DPP10: variants seen among roughly 807,000 people sequenced by gnomAD.
The protein encoded by DPP10 is dipeptidyl peptidase like 10.
DPP10 carries 33 observed loss-of-function variants against 120.9 expected under a neutral mutation model. The observed-to-expected ratio is 0.27, with a 90% CI of 0.21 to 0.37. DPP10 has a LOEUF of 0.37. Among genes scored for constraint, DPP10 ranks in the 10% least tolerant of loss-of-function variants. The pLI is 1.00. For synonymous variants in DPP10, 337 were observed against 326.1 expected (o/e 1.03, Z -0.36); for missense variants, 816 against 942.8 (o/e 0.87, Z 1.76).
At chr2:115,419,013 A>G (rs1024839996) in intron 3 of DPP10, among the ~76,000 whole-genome samples, 1 of 152,084 alleles carries the variant, frequency 6.6e-6, no homozygotes, top group Non-Finnish European at 1.5e-5. Context: ...TATGAAGGGT[A>G]ATTTGTTTTT....
At chr2:115,349,850 C>G (rs1172906009) in intron 3 of DPP10, among the ~76,000 whole-genome samples, 2 of 152,036 alleles carry the variant, frequency 1.3e-5, no homozygotes, top group Non-Finnish European at 2.9e-5. Context: ...TCTCAGTGCA[C>G]AGGGAGCTAC....
At chr2:114,889,308 A>T (rs965645209) in intron 1 of DPP10, among the ~76,000 whole-genome samples, 1 of 152,148 alleles carries the variant, frequency 6.6e-6, no homozygotes, top group Non-Finnish European at 1.5e-5. Flanking sequence ...CTCTTTTATT[A>T]TCTTATTCCA....
At chr2:115,816,114 A>C (rs1400688416) in intron 21 of DPP10, among the ~76,000 whole-genome samples, 1 of 152,170 alleles carries the variant, frequency 6.6e-6, no homozygotes, top group Non-Finnish European at 1.5e-5. Flanking sequence ...ACCTGGTGTC[A>C]GAAGTAGAAC....
intron 1 of DPP10, among the ~76,000 whole-genome samples, chr2:114,680,800 T>C (rs1267862111): frequency 1.3e-5 from 2 of 151,944 alleles, no homozygotes; most frequent in African/African-American, 4.8e-5. Context: ...ACAACTGAAC[T>C]AAAATGATGA....
chr2:115,409,800 T>C (rs1205747035), intron 3 of DPP10, among the ~76,000 whole-genome samples: 1 of 152,216 alleles, frequency 6.6e-6, no homozygotes, highest in East Asian at 1.9e-4. Context: ...AGAAATGTGG[T>C]ATGTGTATAT....
At chr2:114,573,452 TGAAA>T (rs1689809255) in intron 1 of DPP10, among the ~76,000 whole-genome samples, 1 of 152,128 alleles carries the variant, frequency 6.6e-6, no homozygotes, top group Non-Finnish European at 1.5e-5. Flanking sequence ...AAGATGATCC[TGAAA>T]AAAACACCTG....
intron 1 of DPP10, among the ~76,000 whole-genome samples, chr2:114,697,786 C>G (rs1016553570): frequency 2.7e-5 from 4 of 150,120 alleles, no homozygotes; most frequent in South Asian, 4.2e-4. Context: ...AGAAGCACAT[C>G]AGTTATTATT....
chr2:115,639,834 G>A (rs768158787), intron 5 of DPP10, among the ~76,000 whole-genome samples: 8 of 152,044 alleles, frequency 5.3e-5, no homozygotes, highest in Admixed American at 2.6e-4. Context: ...TATATGATTC[G>A]CAGAGTGACA....
Position 115,602,322 on chromosome 2 carries a change from T to C in DPP10, c.441+76350T>C, listed in dbSNP as rs570280859. Among the ~76,000 whole-genome samples the C allele has an allele frequency of 2.0e-5, 3 of 152,240 alleles. No homozygotes were observed. The South Asian group carries it at 6.2e-4, about 32-fold the overall frequency. ...ATACATTGAGAAACATAATGAATGG[T>C]TTAAAAAAATGCTCGAACACATTTC... On this transcript the variant is annotated intron_variant, in intron 5 of 25. Transcript: ENST00000410059.
At chr2:114,864,793 A>G (rs2106541932) in intron 1 of DPP10, among the ~76,000 whole-genome samples, 1 of 152,326 alleles carries the variant, frequency 6.6e-6, no homozygotes, top group East Asian at 1.9e-4. Context: ...AGTCCCCTAT[A>G]TTAACTATGG....
At chr2:115,189,727 C>T (rs1172717008) in intron 1 of DPP10, among the ~76,000 whole-genome samples, 3 of 152,112 alleles carry the variant, frequency 2.0e-5, no homozygotes, top group Non-Finnish European at 2.9e-5. Flanking sequence ...ATGTGGAGGA[C>T]GTTTTAGTAA....
At chr2:114,773,821 T>C (rs979891296) in intron 1 of DPP10, among the ~76,000 whole-genome samples, 1 of 152,128 alleles carries the variant, frequency 6.6e-6, no homozygotes, top group African/African-American at 2.4e-5. Context: ...GAGTGATTCA[T>C]ATAGATACAG....
chr2:114,535,189 G>A (rs1686378195), intron 1 of DPP10, among the ~76,000 whole-genome samples: 1 of 151,874 alleles, frequency 6.6e-6, no homozygotes, highest in Admixed American at 6.6e-5. Flanking sequence ...TAACTCGGCT[G>A]GTGTAGTTTT....
chr2:114,663,668 T>TATATATATATATAGAGAGAGAGAGAG, intron 1 of DPP10, among the ~76,000 whole-genome samples: 10 of 80,706 alleles, frequency 1.2e-4, no homozygotes, highest in African/African-American at 9.4e-4. Context: ...TATATATATA[T>TATATATATATATAGAGAGAGAGAGAG]AGAGAGAGAG....
chr2:115,687,764 T>A (rs1278497274), intron 5 of DPP10, among the ~76,000 whole-genome samples: 1 of 152,074 alleles, frequency 6.6e-6, no homozygotes, highest in African/African-American at 2.4e-5. Context: ...CAGCAACCTC[T>A]ATAAAAAATA....
chr2:115,299,726 C>G (rs1051143961), intron 1 of DPP10, among the ~76,000 whole-genome samples: 5 of 151,898 alleles, frequency 3.3e-5, no homozygotes, highest in African/African-American at 1.2e-4. Context: ...TTATTCATGC[C>G]ACACATTATT....
At chr2:115,152,810 G>A (rs779556136) in intron 1 of DPP10, among the ~76,000 whole-genome samples, 3 of 152,138 alleles carry the variant, frequency 2.0e-5, no homozygotes, top group Non-Finnish European at 4.4e-5. Flanking sequence ...TAAGAACAAC[G>A]AAACAGCTGA....
At chr2:115,516,154 G>C (rs1268176282) in intron 4 of DPP10, among the ~76,000 whole-genome samples, 1 of 152,126 alleles carries the variant, frequency 6.6e-6, no homozygotes, top group African/African-American at 2.4e-5. Flanking sequence ...CAGTTGAGGA[G>C]ATCAGCAGTG....
chr2:114,635,222 T>G (rs758268509), intron 1 of DPP10, among the ~76,000 whole-genome samples: 1 of 151,874 alleles, frequency 6.6e-6, no homozygotes, highest in Non-Finnish European at 1.5e-5. Flanking sequence ...GTTTGAACCA[T>G]GCAGAGGTTG....
Sources: allele counts gnomAD v4.1 joint callset (sites outside exome capture counted in the v4.1 genomes callset), GRCh38; gene constraint gnomAD v4.1.1; transcripts MANE v1.5; gene names NCBI Gene and HGNC (gene_info 2026-07-23, HGNC 2026-07-21).